The following OGT variants were observed in gnomAD, a reference collection of about 807,000 sequenced individuals.
The protein encoded by OGT is UDP-N-acetylglucosamine--peptide N-acetylglucosaminyltransferase 110 kDa subunit.
In OGT, 3 loss-of-function variants were observed where a neutral mutation model predicts 75.8. The observed-to-expected ratio is 0.04, with a 90% CI of 0.02 to 0.10. The LOEUF is 0.10. OGT is among the 10% of genes least tolerant of loss of function. The probability of loss-of-function intolerance (pLI) is 1.00; values close to 1 mark genes in which losing one functional copy is unlikely to be tolerated. For synonymous variants in OGT, 257 were observed against 289.7 expected, an observed-to-expected ratio of 0.89 and a Z score of 1.15; for missense variants, 260 against 824.4, an observed-to-expected ratio of 0.32 and a Z score of 8.38.
At chrX:71,533,367 G>GC (rs768970769) in intron 1 of OGT, 31 bp downstream of exon 1, 92 of 1,164,978 alleles carry the variant, frequency 7.9e-5, no homozygotes, top group Middle Eastern at 2.3e-4. Context: ...CTTGGCAGAT[G>GC]CCCCCTTGGG....
intron 4 of OGT, chrX:71,546,160 T>A: frequency 1.3e-6 from 1 of 754,637 alleles, no homozygotes; most frequent in Non-Finnish European, 1.6e-6. Flanking sequence ...CCCTGCTGTA[T>A]GCAATAGCCC....
intron 5 of OGT, among the ~76,000 whole-genome samples, chrX:71,554,011 T>TA (rs1441079243): frequency 3.6e-5 from 4 of 112,011 alleles, no homozygotes; most frequent in Non-Finnish European, 7.5e-5. Context: ...ACATGACAGC[T>TA]ATTTGGATGA....
In OGT at chrX:71,555,980, T is replaced by C; in HGVS notation, c.951T>C (p.Asn317=). 1 of 1,211,659 alleles carries C rather than the reference T, an allele frequency of 8.3e-7. No homozygotes were observed. The highest frequency in any genetic ancestry group is 3.0e-5 in the East Asian group (1 of 33,855). ...TTGCTGAAGCAGAAGATTGTTATAATACAGCTCTCCGTCTGTGTCCCACCC... is the reference window on the plus strand; with the variant it reads ...TTGCTGAAGCAGAAGATTGTTATAACACAGCTCTCCGTCTGTGTCCCACCC... The part of the protein sequence containing the change: ...GSVAEAEDCY[N]TALRLCPTHA... Residue 317 remains asparagine, a synonymous_variant, in exon 8 of 22, where the codon AAT becomes AAC. Transcript: ENST00000373719.
intron 21 of OGT, among the ~76,000 whole-genome samples, chrX:71,570,851 G>T (rs989444642): frequency 9.0e-6 from 1 of 110,930 alleles, no homozygotes; most frequent in Non-Finnish European, 1.9e-5. Context: ...CTGGAGTGCA[G>T]TGGCATGATC....
At chrX:71,549,084 T>A (rs747961708) in intron 5 of OGT, among the ~76,000 whole-genome samples, 4 of 108,630 alleles carry the variant, frequency 3.7e-5, no homozygotes, top group African/African-American at 1.3e-4. Context: ...GCGGGCAGAT[T>A]GCTTGAGCTT....
At position 71,573,593 on chromosome X, in the gene OGT, A is replaced by G. The variant is rs770474300; in HGVS notation, c.2967-27A>G. On this transcript the variant is annotated intron_variant, in intron 21 of 21. Transcript: ENST00000373719. The stretch of plus-strand genomic sequence containing the variant: ...TCTGAGTTTCTGCTCTGATTTGTAA[A>G]CTGGGTTCTTGTTTTTTATTACCCA... The G allele has an allele frequency of 3.5e-6, 4 of 1,155,308 alleles. No individual in the cohort carries two copies. In the African/African-American group the frequency reaches 7.2e-5, roughly 21 times the overall value.
chrX:71,552,217 A>G (rs1466809538), intron 5 of OGT, among the ~76,000 whole-genome samples: 1 of 109,319 alleles, frequency 9.1e-6, no homozygotes, highest in Non-Finnish European at 1.9e-5. Flanking sequence ...AGAGTGAGTG[A>G]CACTCCGTCT....
At position 71,555,892 on chromosome X, in the gene OGT, A is replaced by G. The variant is rs879053990; in HGVS notation, c.925-62A>G. 2.2e-5 allele frequency: 25 copies of G among 1,138,872 alleles called. No individual in the cohort carries two copies. In the Admixed American group the frequency reaches 2.9e-4, roughly 13 times the overall value. The allele number at this position is 1,138,872 out of a possible 1,213,427, so 93.9% of individuals were successfully genotyped here. ...TAGGCTTAATTAAACAATTATTAGA[A>G]CAGTATCAGTGGAGGCTTTATGATT... On this transcript the variant is annotated intron_variant, in intron 7 of 21. Transcript: ENST00000373719.
chrX:71,543,680 A>T (rs1175212850), intron 3 of OGT, among the ~76,000 whole-genome samples: 1 of 107,884 alleles, frequency 9.3e-6, no homozygotes, highest in Non-Finnish European at 1.9e-5. Flanking sequence ...TCGGTCCTTG[A>T]TACAGAAGTG....
At chrX:71,561,235 C>T (rs752500908) in intron 14 of OGT, among the ~76,000 whole-genome samples, 1 of 110,894 alleles carries the variant, frequency 9.0e-6, no homozygotes, top group East Asian at 2.9e-4. Flanking sequence ...GCCTACTCAC[C>T]ATTTTCTAAA....
At chrX:71,572,558 A>G (rs1005335480) in intron 21 of OGT, among the ~76,000 whole-genome samples, 4 of 111,852 alleles carry the variant, frequency 3.6e-5, no homozygotes, top group Non-Finnish European at 7.5e-5. Context: ...GCTTGAGCCC[A>G]GGAGTTCGAG....
chrX:71,538,133 AT>A, intron 3 of OGT, 61 bp downstream of exon 3: 3 of 1,142,080 alleles, frequency 2.6e-6, no homozygotes, highest in Non-Finnish European at 3.6e-6. Flanking sequence ...ACATAGTGTG[AT>A]ATTTCAGACA....
chrX:71,554,025 C>T lies in OGT; in HGVS notation c.649-488C>T, dbSNP rs141828090. Among the ~76,000 whole-genome samples the T allele has an allele frequency of 4.3e-4, 48 of 111,664 alleles. 1 individual carries two copies. In the East Asian group the frequency reaches 0.013, roughly 31 times the overall value. ...AACATGACAGCTATTTGGATGACAC[C>T]GTGTAATGGTTAGTATTTCCTTGAA... is the stretch of plus-strand genomic sequence containing the variant. On this transcript the variant is annotated intron_variant, in intron 5 of 21. Coordinates refer to ENST00000373719, the MANE Select transcript of OGT (RefSeq NM_181672.3).
intron 7 of OGT, 150 bp from the exon 8 acceptor site, chrX:71,555,804 T>C: frequency 1.7e-6 from 1 of 597,983 alleles, no homozygotes; most frequent in Non-Finnish European, 2.6e-6. Context: ...TGGTTTACTT[T>C]AGAGTTTTGG....
At chrX:71,565,892 C>T (rs765214447) in intron 19 of OGT, among the ~76,000 whole-genome samples, 1 of 112,515 alleles carries the variant, frequency 8.9e-6, no homozygotes. Context: ...ATAGCATATG[C>T]TGTCATGTAC....
chrX:71,536,524 T>C, intron 2 of OGT, 166 bp downstream of exon 2: 1 of 374,360 alleles, frequency 2.7e-6, no homozygotes, highest in East Asian at 4.4e-5. Context: ...AGCTGCCAGT[T>C]TTTCTCCTTC....
Position 71,573,788 on chromosome X carries a change from A to T in OGT, c.3135A>T (p.Ser1045=), listed in dbSNP as rs2040473787. 8.4e-7 allele frequency: 1 copy of T among 1,193,639 alleles called. No homozygotes were observed. The highest frequency in any genetic ancestry group is 2.3e-5 in the Admixed American group (1 of 43,337). The change falls in exon 22 of 22, where the codon TCA becomes TCT. Residue 1045 remains serine (S), a synonymous_variant. Coordinates refer to ENST00000373719, the MANE Select transcript of OGT (RefSeq NM_181672.3). ...HMIKPVEVTE[S]A ...TTAAGCCTGTTGAAGTCACTGAGTC[A>T]GCATAAATAAAGACTGCACAGGAGA... is the stretch of plus-strand genomic sequence containing the variant.
At chrX:71,559,818 C>A in intron 14 of OGT, 141 bp downstream of exon 14, 2 of 460,490 alleles carry the variant, frequency 4.3e-6, no homozygotes, top group Non-Finnish European at 7.2e-6. Context: ...TTTCCTTGAT[C>A]ATTTGTGTTA....
chrX:71,546,122 A>T, intron 4 of OGT: 2 of 752,354 alleles, frequency 2.7e-6, no homozygotes, highest in Non-Finnish European at 3.1e-6. Context: ...CTTTGTAGAA[A>T]ATGAAGAGCC....
Sources: gnomAD v4.1 joint callset for allele counts (sites outside exome capture counted in the v4.1 genomes callset) on GRCh38, gnomAD v4.1.1 for gene constraint, MANE v1.5 for transcripts, NCBI Gene and HGNC (gene_info 2026-07-23, HGNC 2026-07-21) for gene names.